The following PLD5 variants were observed in gnomAD, a reference collection of about 807,000 sequenced individuals.
The protein encoded by PLD5 is phospholipase D family member 5.
In PLD5, 36 loss-of-function variants were observed where a neutral mutation model predicts 61.1. The ratio of observed to expected loss-of-function variants is 0.59; its 90% CI spans 0.45 to 0.78. PLD5 has a LOEUF of 0.78. Ranked by LOEUF, PLD5 falls within the 30% of genes least tolerant of loss-of-function variation. The pLI is 0.00. For missense variants in PLD5, 515 were observed against 644.4 expected, an observed-to-expected ratio of 0.80 and a Z score of 2.17; for synonymous variants, 243 against 242.8, an observed-to-expected ratio of 1.00 and a Z score of -0.01.
chr1:242,258,123 A>G (rs1333049028), intron 4 of PLD5, among the ~76,000 whole-genome samples: 3 of 152,180 alleles, frequency 2.0e-5, no homozygotes, highest in South Asian at 2.1e-4. Flanking sequence ...TAGAAATTGC[A>G]TATAAAAACC....
intron 2 of PLD5, among the ~76,000 whole-genome samples, chr1:242,343,676 G>C (rs939655623): frequency 6.6e-6 from 1 of 151,700 alleles, no homozygotes; most frequent in Non-Finnish European, 1.5e-5. Flanking sequence ...AGACTTATGA[G>C]GGCCTGGACC....
intron 2 of PLD5, among the ~76,000 whole-genome samples, chr1:242,304,657 T>A (rs2149165193): frequency 6.6e-6 from 1 of 152,332 alleles, no homozygotes; most frequent in South Asian, 2.1e-4. Flanking sequence ...AATTAACAAA[T>A]CTAAATTTGA....
intron 2 of PLD5, among the ~76,000 whole-genome samples, chr1:242,326,280 T>A (rs761794957): frequency 1.3e-5 from 2 of 152,166 alleles, no homozygotes; most frequent in Non-Finnish European, 2.9e-5. Context: ...GTCACAAGTA[T>A]CTGCTAAGTA....
chr1:242,481,272 C>G (rs112659415), intron 1 of PLD5, among the ~76,000 whole-genome samples: 2,507 of 152,278 alleles, frequency 0.016, 78 homozygotes, highest in African/African-American at 0.057. Flanking sequence ...ATCACCTCAC[C>G]CGGGAAGTGC....
At chr1:242,253,194 C>T (rs773129035) in intron 4 of PLD5, among the ~76,000 whole-genome samples, 33 of 145,722 alleles carry the variant, frequency 2.3e-4, no homozygotes, top group Non-Finnish European at 2.8e-4. Context: ...CATAGCTCAC[C>T]GATCACAGCT....
chr1:242,258,050 C>T (rs1176141202), intron 4 of PLD5, among the ~76,000 whole-genome samples: 1 of 152,216 alleles, frequency 6.6e-6, no homozygotes, highest in South Asian at 2.1e-4. Flanking sequence ...TCTTGTCTAT[C>T]CCAGGAGACT....
chr1:242,288,234 T>C (rs1464530543), intron 3 of PLD5, 128 bp downstream of exon 3: 50 of 1,312,380 alleles, frequency 3.8e-5, no homozygotes, highest in Middle Eastern at 2.5e-4. Flanking sequence ...TGTAATAATG[T>C]ACATGTACTC....
intron 5 of PLD5, among the ~76,000 whole-genome samples, chr1:242,180,887 G>A (rs981751346): frequency 2.0e-5 from 3 of 152,104 alleles, no homozygotes; most frequent in African/African-American, 7.2e-5. Flanking sequence ...GGAAGCTGAG[G>A]CAGGAGGGTC....
chr1:242,113,005 T>C (rs1392835915), intron 7 of PLD5, among the ~76,000 whole-genome samples: 2 of 152,098 alleles, frequency 1.3e-5, no homozygotes, highest in East Asian at 1.9e-4. Context: ...AAGCACTGCA[T>C]TTTTAAACTG....
intron 1 of PLD5, among the ~76,000 whole-genome samples, chr1:242,522,366 A>G (rs975536180): frequency 6.6e-5 from 10 of 152,334 alleles, no homozygotes; most frequent in African/African-American, 2.4e-4. Context: ...TCATGCAGAA[A>G]GGTGAGACTG....
At chr1:242,452,981 T>C (rs908276875) in intron 1 of PLD5, among the ~76,000 whole-genome samples, 2 of 152,076 alleles carry the variant, frequency 1.3e-5, no homozygotes, top group East Asian at 3.8e-4. Flanking sequence ...CTTCTGAACA[T>C]GGAAAGGTGA....
chr1:242,189,196 C>CCCA (rs1668087261), intron 5 of PLD5, among the ~76,000 whole-genome samples: 1 of 152,136 alleles, frequency 6.6e-6, no homozygotes, highest in Non-Finnish European at 1.5e-5. Flanking sequence ...CCTGTAATCC[C>CCCA]AGCACTTTGG....
intron 1 of PLD5, among the ~76,000 whole-genome samples, chr1:242,510,967 G>C (rs1294943263): frequency 6.6e-6 from 1 of 152,170 alleles, no homozygotes; most frequent in Non-Finnish European, 1.5e-5. Context: ...AGTGGACCTT[G>C]TGGGGGCTGA....
rs547969938 is a variant in PLD5, at chr1:242,396,851, T to G, written c.190-48609A>C. ...TGTGCCACCAAGCCCAGCTAATTTT[T>G]GTATTTTTAGCAGAGATGGGGTTTC... On this transcript the variant is annotated intron_variant, in intron 1 of 9. Transcript: ENST00000536534. 1.1e-4 allele frequency among the ~76,000 whole-genome samples: 16 copies of G among 152,066 alleles called. No homozygotes were observed. In the East Asian group the frequency reaches 3.1e-3, roughly 29 times the overall value.
intron 5 of PLD5, among the ~76,000 whole-genome samples, chr1:242,144,864 G>A (rs541576481): frequency 1.3e-5 from 2 of 152,204 alleles, no homozygotes; most frequent in African/African-American, 4.8e-5. Context: ...AGTGAACAAT[G>A]GACATAGAGA....
At chr1:242,493,373 C>T (rs1340671581) in intron 1 of PLD5, among the ~76,000 whole-genome samples, 1 of 152,142 alleles carries the variant, frequency 6.6e-6, no homozygotes, top group Non-Finnish European at 1.5e-5. Context: ...CATGCTGAAG[C>T]CTCGACATGC....
At chr1:242,445,404 CA>C (rs1666484474) in intron 1 of PLD5, among the ~76,000 whole-genome samples, 1 of 152,132 alleles carries the variant, frequency 6.6e-6, no homozygotes, top group Admixed American at 6.5e-5. Flanking sequence ...TGCAGTGGTA[CA>C]ATCTCAGTTC....
At chr1:242,393,860 G>C (rs1409979470) in intron 1 of PLD5, among the ~76,000 whole-genome samples, 1 of 147,006 alleles carries the variant, frequency 6.8e-6, no homozygotes, top group Non-Finnish European at 1.5e-5. Flanking sequence ...AGGAGTTCGA[G>C]ACCAGCCTGG....
chr1:242,325,356 G>A (rs992045279), intron 2 of PLD5, among the ~76,000 whole-genome samples: 2 of 14,748 alleles, frequency 1.4e-4, no homozygotes, highest in Admixed American at 9.9e-4. Flanking sequence ...CCTGCATGGC[G>A]AGATATATAT....
Sources: allele counts gnomAD v4.1 joint callset (sites outside exome capture counted in the v4.1 genomes callset), GRCh38; gene constraint gnomAD v4.1.1; transcripts MANE v1.5; gene names NCBI Gene and HGNC (gene_info 2026-07-23, HGNC 2026-07-21).